The following KCNN2 variants were observed in gnomAD, a reference collection of about 807,000 sequenced individuals.
KCNN2 encodes the protein small conductance calcium-activated potassium channel protein 2.
Under a neutral mutation model 55.5 loss-of-function variants are expected in KCNN2, and 24 were observed. The observed-to-expected ratio is 0.43, with a 90% CI of 0.31 to 0.61. The LOEUF is 0.61. Among genes scored for constraint, KCNN2 ranks in the 20% least tolerant of loss-of-function variants. The probability of loss-of-function intolerance (pLI) is 0.08; values close to 1 mark genes in which losing one functional copy is unlikely to be tolerated. For synonymous variants in KCNN2, 431 were observed against 336.1 expected (o/e 1.28, Z -3.09); for missense variants, 754 against 853.6 (o/e 0.88, Z 1.45).
At chr5:114,474,592 A>G (rs975649649) in intron 5 of KCNN2, among the ~76,000 whole-genome samples, 7 of 152,192 alleles carry the variant, frequency 4.6e-5, no homozygotes, top group African/African-American at 1.7e-4. Flanking sequence ...AGAGATAAAA[A>G]TATGTGCATA....
intron 3 of KCNN2, among the ~76,000 whole-genome samples, chr5:114,410,595 T>A (rs1204533546): frequency 3.3e-5 from 5 of 152,144 alleles, no homozygotes; most frequent in Non-Finnish European, 5.9e-5. Context: ...TTCAAAATAA[T>A]GTTTCTGTGT....
chr5:114,177,825 A>G (rs2112550070), intron 1 of KCNN2, among the ~76,000 whole-genome samples: 1 of 152,264 alleles, frequency 6.6e-6, no homozygotes, highest in South Asian at 2.1e-4. Context: ...TCAGTTAAGG[A>G]AAAGAGGAAA....
chr5:114,344,951 C>T (rs1757081431), intron 2 of KCNN2, among the ~76,000 whole-genome samples: 1 of 152,112 alleles, frequency 6.6e-6, no homozygotes, highest in East Asian at 1.9e-4. Flanking sequence ...TATATTTTGA[C>T]CTAGAAATAC....
At chr5:114,356,577 G>A (rs1001489054) in intron 2 of KCNN2, among the ~76,000 whole-genome samples, 10 of 152,002 alleles carry the variant, frequency 6.6e-5, no homozygotes, top group African/African-American at 2.4e-4. Context: ...GCTGAGAAAC[G>A]GTAGGAGACA....
chr5:114,060,714 A>G (rs1750308376), intron 1 of KCNN2, among the ~76,000 whole-genome samples: 1 of 152,208 alleles, frequency 6.6e-6, no homozygotes, highest in Non-Finnish European at 1.5e-5. Flanking sequence ...TAAAATGTGG[A>G]TAATAACAAA....
intron 2 of KCNN2, among the ~76,000 whole-genome samples, chr5:114,252,343 C>T (rs1238519835): frequency 2.0e-5 from 3 of 152,142 alleles, no homozygotes; most frequent in African/African-American, 7.2e-5. Flanking sequence ...GAGACTCCCT[C>T]AGATGAGATA....
chr5:114,158,021 G>A (rs1415814447), intron 1 of KCNN2, among the ~76,000 whole-genome samples: 2 of 152,044 alleles, frequency 1.3e-5, no homozygotes, highest in African/African-American at 2.4e-5. Flanking sequence ...GATCCCATTT[G>A]TCAATTTTGG....
At chr5:114,205,684 A>G (rs190335469) in intron 1 of KCNN2, among the ~76,000 whole-genome samples, 1 of 152,312 alleles carries the variant, frequency 6.6e-6, no homozygotes, top group East Asian at 1.9e-4. Context: ...TCGGGAGCTT[A>G]TTTAAACCCA....
rs750360170 is a variant in KCNN2, at chr5:114,362,742, G to T, written c.603G>T (p.Ala201=). Residue 201 remains alanine (A), a synonymous_variant, in exon 1 of 8, where the codon GCG becomes GCT. Transcript: ENST00000673685. ...PAHHQHHQPQ[A]RRESNPFTEI... ...ACCACCAGCACCACCAGCCCCAGGC[G>T]CGCCGCGAGAGCAACCCCTTCACCG... 1.3e-6 allele frequency: 2 copies of T among 1,539,036 alleles called. No individual in the cohort carries two copies.
At chr5:114,320,919 G>T (rs1756602633) in intron 2 of KCNN2, among the ~76,000 whole-genome samples, 2 of 152,122 alleles carry the variant, frequency 1.3e-5, no homozygotes, top group Admixed American at 6.5e-5. Flanking sequence ...GGTTCAAGAG[G>T]AAATACCCCA....
At chr5:114,355,009 A>C (rs1179109915) in intron 2 of KCNN2, among the ~76,000 whole-genome samples, 2 of 152,164 alleles carry the variant, frequency 1.3e-5, no homozygotes, top group Admixed American at 1.3e-4. Context: ...TTGGTAATTT[A>C]TTTACATCTG....
chr5:114,243,421 A>G (rs1561537952), intron 2 of KCNN2, among the ~76,000 whole-genome samples: 3 of 152,192 alleles, frequency 2.0e-5, no homozygotes, highest in African/African-American at 7.2e-5. Flanking sequence ...AATCCTGAGT[A>G]GCGTGATGAA....
At chr5:114,320,365 G>C (rs1756591527) in intron 2 of KCNN2, among the ~76,000 whole-genome samples, 1 of 152,066 alleles carries the variant, frequency 6.6e-6, no homozygotes, top group Non-Finnish European at 1.5e-5. Flanking sequence ...TGTAATCCCA[G>C]CACTTTGGGA....
At chr5:114,165,023 C>A (rs1026277307) in intron 1 of KCNN2, among the ~76,000 whole-genome samples, 1 of 152,188 alleles carries the variant, frequency 6.6e-6, no homozygotes, top group Non-Finnish European at 1.5e-5. Context: ...GTAACAGTAA[C>A]TTGCCTAAAG....
chr5:114,488,941 G>A (rs1287749164), intron 6 of KCNN2: 2 of 152,132 alleles, frequency 1.3e-5, no homozygotes, highest in Non-Finnish European at 2.9e-5. Context: ...GAGATGACAC[G>A]GCAGTGAGCA....
At position 114,493,481 on chromosome 5, in the gene KCNN2, G is replaced by A. The variant is rs1747962870; in HGVS notation, c.2088+9G>A. ...TGGTGGACTTGGCAAAGGTAAGCCT[G>A]AGGTGCTTAGCCCTCCTAGTTGCAT... On this transcript the variant is annotated intron_variant, in intron 7 of 7. Transcript: ENST00000673685. The A allele has an allele frequency of 6.3e-7, 1 of 1,597,742 alleles. No homozygotes were observed. The highest frequency in any genetic ancestry group is 8.6e-7 in the Non-Finnish European group (1 of 1,165,300).
At chr5:114,197,772 C>T (rs1753589249) in intron 1 of KCNN2, among the ~76,000 whole-genome samples, 1 of 152,112 alleles carries the variant, frequency 6.6e-6, no homozygotes, top group African/African-American at 2.4e-5. Flanking sequence ...GAAAAAGGAG[C>T]TCCTACCTTC....
chr5:114,477,194 T>C (rs1762009581), intron 5 of KCNN2, among the ~76,000 whole-genome samples: 1 of 152,180 alleles, frequency 6.6e-6, no homozygotes, highest in Non-Finnish European at 1.5e-5. Flanking sequence ...ACAGATGTTC[T>C]GAAATCTGAA....
At chr5:114,212,416 G>A (rs1172173081) in intron 1 of KCNN2, among the ~76,000 whole-genome samples, 1 of 152,014 alleles carries the variant, frequency 6.6e-6, no homozygotes, top group East Asian at 1.9e-4. Context: ...GATAGTAGGG[G>A]TAGTTTCTTT....
Sources: gnomAD v4.1 joint callset for allele counts (sites outside exome capture counted in the v4.1 genomes callset) on GRCh38, gnomAD v4.1.1 for gene constraint, MANE v1.5 for transcripts, NCBI Gene and HGNC (gene_info 2026-07-23, HGNC 2026-07-21) for gene names.